Variants in TUT4 observed in about 807,000 individuals in gnomAD.
The protein encoded by TUT4 is terminal uridylyltransferase 4.
Under a neutral mutation model 192.2 loss-of-function variants are expected in TUT4, and 36 were observed. The ratio of observed to expected loss-of-function variants is 0.19; its 90% CI spans 0.14 to 0.25. The LOEUF (loss-of-function observed/expected upper bound fraction) is 0.25. TUT4 is among the 10% of genes least tolerant of loss of function. TUT4 has a pLI of 1.00. For missense variants in TUT4, 1,493 were observed against 1,957.2 expected (o/e 0.76, Z 4.47); for synonymous variants, 618 against 666.0 (o/e 0.93, Z 1.11).
At chr1:52,519,144 G>A (rs79206637) in intron 2 of TUT4, among the ~76,000 whole-genome samples, 3,199 of 152,134 alleles carry the variant, frequency 0.021, 47 homozygotes, top group Middle Eastern at 0.034. Context: ...ACTGATGAAT[G>A]GACAAACAAA....
intron 4 of TUT4, among the ~76,000 whole-genome samples, chr1:52,507,548 G>A (rs1023062986): frequency 2.6e-5 from 4 of 151,884 alleles, no homozygotes; most frequent in African/African-American, 4.8e-5. Flanking sequence ...CGTCCTATAT[G>A]GCTGCATTCA....
chr1:52,482,180 G>A (rs1668642391), intron 9 of TUT4, among the ~76,000 whole-genome samples: 1 of 151,752 alleles, frequency 6.6e-6, no homozygotes, highest in Admixed American at 6.6e-5. Flanking sequence ...ATTTTACTGT[G>A]GACACATTTT....
Position 52,431,086 on chromosome 1 carries a change from C to T in TUT4, c.4638G>A (p.Thr1546=), listed in dbSNP as rs781497858. ...PAARPVAIPN[T]SHDGHWPRTV... Reference sequence around the variant, plus strand: ...TACGGGGCCAGTGTCCATCGTGAGACGTGTTAGGGATTGCCACAGGTCTGG... The same window carrying T: ...TACGGGGCCAGTGTCCATCGTGAGATGTGTTAGGGATTGCCACAGGTCTGG... The change falls in exon 28 of 30, where the codon ACG becomes ACA. Residue 1546 remains threonine (T), a synonymous_variant. Transcript: ENST00000257177. 7 of 1,613,902 alleles carry T rather than the reference C, an allele frequency of 4.3e-6. No homozygotes were observed. The highest frequency in any genetic ancestry group is 4.5e-5 in the East Asian group (2 of 44,886).
chr1:52,540,682 A>G (rs1399442099), intron 1 of TUT4, among the ~76,000 whole-genome samples: 1 of 152,184 alleles, frequency 6.6e-6, no homozygotes, highest in Non-Finnish European at 1.5e-5. Context: ...CTAAGATAAC[A>G]CAAATGGGAC....
At chr1:52,452,128 A>G (rs1659616301) in intron 20 of TUT4, among the ~76,000 whole-genome samples, 1 of 151,998 alleles carries the variant, frequency 6.6e-6, no homozygotes, top group South Asian at 2.1e-4. Flanking sequence ...CATTACCCTA[A>G]TACCAAAACC....
At chr1:52,524,962 C>T (rs561122761) in intron 2 of TUT4, among the ~76,000 whole-genome samples, 98 of 152,198 alleles carry the variant, frequency 6.4e-4, no homozygotes, top group Non-Finnish European at 1.2e-3. Context: ...TCCAGCCGTA[C>T]TAAGTCTCAG....
chr1:52,521,288 A>G (rs1402831633), intron 2 of TUT4, among the ~76,000 whole-genome samples: 1 of 152,218 alleles, frequency 6.6e-6, no homozygotes, highest in Non-Finnish European at 1.5e-5. Flanking sequence ...AAGAAAAATG[A>G]TGTGCCAGGT....
chr1:52,468,313 A>C (rs781766789), intron 14 of TUT4, 46 bp from the exon 15 acceptor site: 1 of 1,433,436 alleles, frequency 7.0e-7, no homozygotes, highest in Non-Finnish European at 9.5e-7. Context: ...AAGTAAGGAA[A>C]ACAGAATCTG....
chr1:52,484,833 C>A (rs1669392280), intron 9 of TUT4, among the ~76,000 whole-genome samples: 1 of 152,178 alleles, frequency 6.6e-6, no homozygotes, highest in Non-Finnish European at 1.5e-5. Context: ...ACTAACTGTG[C>A]CTTGGAGAGT....
rs374537034 is a variant in TUT4, at chr1:52,549,949, C to CA, written c.-94+2981dup. On this transcript the variant is annotated intron_variant, in intron 1 of 29. Transcript: ENST00000257177. ...AAAATAATTTGAACATAAGACACCA[C>CA]ACAAATCTCTCACTTAAGGGGGAAA... 6.4e-3 allele frequency among the ~76,000 whole-genome samples: 969 copies of CA among 152,228 alleles called. 8 individuals are homozygous for CA. The highest frequency in any genetic ancestry group is 0.022 in the African/African-American group (894 of 41,518).
At chr1:52,546,171 T>G (rs1688050615) in intron 1 of TUT4, among the ~76,000 whole-genome samples, 1 of 151,718 alleles carries the variant, frequency 6.6e-6, no homozygotes, top group South Asian at 2.1e-4. Context: ...AAGAATAAAA[T>G]TACCATATGA....
At position 52,431,063 on chromosome 1, in the gene TUT4, C is replaced by A. The variant is rs952686777; in HGVS notation, c.4661G>T (p.Arg1554Leu). 6.8e-6 allele frequency: 11 copies of A among 1,611,940 alleles called. No individual in the cohort carries two copies. Among genetic ancestry groups the A allele is most frequent in the Non-Finnish European group, 9.3e-6 (11 of 1,178,448 alleles). ...PNTSHDGHWP[R>L]TVAPNSLVNS... ...TACCAGGGAATTTGGAGCCACAGTA[C>A]GGGGCCAGTGTCCATCGTGAGACGT... Residue 1554 changes from arginine (R) to leucine (L), a missense_variant, in exon 28 of 30, where the codon CGT becomes CTT. Around this residue, in one of 7 missense-constraint regions of TUT4, gnomAD observed 351 missense variants for 397.8 expected, o/e 0.88. Coordinates refer to ENST00000257177, the MANE Select transcript of TUT4 (RefSeq NM_001009881.3).
chr1:52,490,437 G>A (rs1041183677), intron 8 of TUT4, among the ~76,000 whole-genome samples: 1 of 151,564 alleles, frequency 6.6e-6, no homozygotes, highest in Non-Finnish European at 1.5e-5. Flanking sequence ...TATCCATAGA[G>A]CAAAGTAGTA....
chr1:52,543,096 G>A (rs1438127276), intron 1 of TUT4, among the ~76,000 whole-genome samples: 1 of 152,176 alleles, frequency 6.6e-6, no homozygotes, highest in Non-Finnish European at 1.5e-5. Context: ...GGAAGTTCTA[G>A]CCAACGCCAT....
At chr1:52,477,076 T>C (rs1341784144) in intron 12 of TUT4, among the ~76,000 whole-genome samples, 1 of 152,208 alleles carries the variant, frequency 6.6e-6, no homozygotes, top group East Asian at 1.9e-4. Context: ...AACTTTCTCA[T>C]AATCTTATGA....
chr1:52,468,607 G>A lies in TUT4; in HGVS notation c.2879-340C>T, dbSNP rs145035491. Reference sequence around the variant, plus strand: ...CATATCCATGCTTATTTTCCCATTTGTTAAGATCTGTATTCATGTTGCTAT... The same window carrying A: ...CATATCCATGCTTATTTTCCCATTTATTAAGATCTGTATTCATGTTGCTAT... On this transcript the variant is annotated intron_variant, in intron 14 of 29. Coordinates refer to ENST00000257177, the MANE Select transcript of TUT4 (RefSeq NM_001009881.3). 4 of 197,954 alleles carry A rather than the reference G, an allele frequency of 2.0e-5. No individual in the cohort carries two copies. The East Asian group carries it at 6.4e-4, about 32-fold the overall frequency. 12.3% of individuals were successfully genotyped at this position (197,954 alleles called of 1,614,324 possible).
chr1:52,515,925 C>T lies in TUT4; in HGVS notation c.848G>A (p.Arg283His), dbSNP rs1326632399. ...QRLGLKQAEE[R>H]LERDHIFRLE... ...TCGAAAGATGTGATCTCTTTCTAAG[C>T]GTTCTTCTGCTTGTTTCAACCCCAG... The change falls in exon 3 of 30, where the codon CGC becomes CAC. Residue 283 changes from arginine (R) to histidine (H), a missense_variant. Transcript: ENST00000257177. 5 of 1,613,516 alleles carry T rather than the reference C, an allele frequency of 3.1e-6. No individual in the cohort carries two copies. Among genetic ancestry groups the T allele is most frequent in the Non-Finnish European group, 3.4e-6 (4 of 1,179,874 alleles).
Position 52,537,063 on chromosome 1 carries a change from G to A in TUT4, c.-93-10690C>T, listed in dbSNP as rs527899830. Among the ~76,000 whole-genome samples the A allele has an allele frequency of 3.9e-5, 6 of 152,006 alleles. No individual in the cohort carries two copies. In the South Asian group the frequency reaches 1.0e-3, roughly 26 times the overall value. The stretch of plus-strand genomic sequence containing the variant: ...TAGTCCCAGCTACTTGGGAGGCTGA[G>A]GCAGGATAATCGCTTGAACCCAGGA... On this transcript the variant is annotated intron_variant, in intron 1 of 29. Coordinates refer to ENST00000257177, the MANE Select transcript of TUT4 (RefSeq NM_001009881.3).
chr1:52,507,858 T>TAAAG (rs1337219378), intron 4 of TUT4, among the ~76,000 whole-genome samples: 1 of 152,174 alleles, frequency 6.6e-6, no homozygotes, highest in Non-Finnish European at 1.5e-5. Flanking sequence ...TCGCCCAGAC[T>TAAAG]AAAGTGAAGT....
Sources: allele counts gnomAD v4.1 joint callset (sites outside exome capture counted in the v4.1 genomes callset), GRCh38; gene constraint gnomAD v4.1.1; regional missense constraint gnomAD v4.1.1; transcripts MANE v1.5; gene names NCBI Gene and HGNC (gene_info 2026-07-23, HGNC 2026-07-21).